The following CNTN5 variants were observed in gnomAD, a reference collection of about 807,000 sequenced individuals.
The protein encoded by CNTN5 is contactin 5.
CNTN5 carries 77 observed loss-of-function variants against 129.1 expected under a neutral mutation model. That is an observed-to-expected ratio of 0.60 (90% CI 0.50 to 0.72). The LOEUF is 0.72. Ranked by LOEUF, CNTN5 falls within the 30% of genes least tolerant of loss-of-function variation. The pLI is 0.00. For missense variants in CNTN5, 1,478 were observed against 1,328.8 expected, an observed-to-expected ratio of 1.11 and a Z score of -1.75; for synonymous variants, 509 against 465.6, an observed-to-expected ratio of 1.09 and a Z score of -1.20.
chr11:99,640,525 C>T (rs75789275), intron 3 of CNTN5, among the ~76,000 whole-genome samples: 1,683 of 152,252 alleles, frequency 0.011, 40 homozygotes, highest in African/African-American at 0.037. Flanking sequence ...CCTTCCTCAA[C>T]GCTTGGGAAT....
intron 9 of CNTN5, among the ~76,000 whole-genome samples, chr11:100,036,914 A>G (rs1005272643): frequency 6.1e-5 from 9 of 148,016 alleles, no homozygotes; most frequent in African/African-American, 2.0e-4. Flanking sequence ...TCGTCTGCAA[A>G]CAGGGACAAT....
chr11:99,524,718 G>C (rs771193378), intron 2 of CNTN5, among the ~76,000 whole-genome samples: 1 of 151,882 alleles, frequency 6.6e-6, no homozygotes, highest in African/African-American at 2.4e-5. Flanking sequence ...AACAAGAATT[G>C]TGTGAACCTG....
At chr11:99,876,388 G>T (rs1948633457) in intron 6 of CNTN5, among the ~76,000 whole-genome samples, 1 of 152,108 alleles carries the variant, frequency 6.6e-6, no homozygotes, top group African/African-American at 2.4e-5. Flanking sequence ...CTTGATCCCA[G>T]GCTCCCCTCA....
intron 3 of CNTN5, among the ~76,000 whole-genome samples, chr11:99,818,486 G>C (rs1048752595): frequency 2.6e-5 from 4 of 152,104 alleles, no homozygotes; most frequent in Non-Finnish European, 4.4e-5. Flanking sequence ...TAAACACCTA[G>C]CTGAAGTCAT....
intron 8 of CNTN5, among the ~76,000 whole-genome samples, chr11:99,965,538 T>A (rs555701616): frequency 6.6e-6 from 1 of 152,316 alleles, no homozygotes; most frequent in African/African-American, 2.4e-5. Flanking sequence ...TTTGTTATAA[T>A]TTCTGTTCTT....
intron 1 of CNTN5, among the ~76,000 whole-genome samples, chr11:99,312,411 T>C (rs1385293560): frequency 1.3e-5 from 2 of 152,184 alleles, no homozygotes; most frequent in African/African-American, 2.4e-5. Flanking sequence ...TAATGCTGAC[T>C]TCTTTATGGG....
At chr11:99,326,311 T>C (rs564614717) in intron 2 of CNTN5, among the ~76,000 whole-genome samples, 34 of 152,326 alleles carry the variant, frequency 2.2e-4, no homozygotes, top group African/African-American at 7.9e-4. Context: ...ATTATCTTTA[T>C]TTTCTGCTTA....
chr11:99,715,901 T>C (rs1955199386), intron 3 of CNTN5, among the ~76,000 whole-genome samples: 1 of 152,014 alleles, frequency 6.6e-6, no homozygotes, highest in Admixed American at 6.6e-5. Context: ...TTGATTTCCA[T>C]ATATTATTTT....
At chr11:99,181,043 T>G (rs1858032363) in intron 1 of CNTN5, among the ~76,000 whole-genome samples, 1 of 152,148 alleles carries the variant, frequency 6.6e-6, no homozygotes, top group East Asian at 1.9e-4. Context: ...GCTCAATATT[T>G]TAATTTGTTG....
chr11:99,464,467 G>A (rs1944856352), intron 2 of CNTN5, among the ~76,000 whole-genome samples: 2 of 152,118 alleles, frequency 1.3e-5, no homozygotes, highest in South Asian at 4.1e-4. Context: ...CTGGCAAATA[G>A]TTTTAAATAT....
intron 3 of CNTN5, among the ~76,000 whole-genome samples, chr11:99,556,567 A>ATATATG (rs1948675138): frequency 8.4e-6 from 1 of 118,982 alleles, no homozygotes; most frequent in Non-Finnish European, 1.6e-5. Flanking sequence ...ATATATATAT[A>ATATATG]TATATATATA....
At chr11:99,698,331 GA>G in intron 3 of CNTN5, among the ~76,000 whole-genome samples, 1 of 151,382 alleles carries the variant, frequency 6.6e-6, no homozygotes, top group South Asian at 2.1e-4. Flanking sequence ...GAGAAGAGAA[GA>G]AAGCTATAAA....
At chr11:100,104,811 A>G (rs924423748) in intron 13 of CNTN5, among the ~76,000 whole-genome samples, 7 of 152,104 alleles carry the variant, frequency 4.6e-5, no homozygotes, top group African/African-American at 1.2e-4. Flanking sequence ...TTACTGTACT[A>G]TTCCCTTTTT....
At chr11:100,294,817 T>C (rs934836454) in intron 18 of CNTN5, among the ~76,000 whole-genome samples, 17 of 151,582 alleles carry the variant, frequency 1.1e-4, no homozygotes, top group African/African-American at 3.9e-4. Context: ...AATATGTTGT[T>C]TTATAAAGGG....
At chr11:99,927,222 C>A (rs956076846) in intron 7 of CNTN5, among the ~76,000 whole-genome samples, 8 of 151,866 alleles carry the variant, frequency 5.3e-5, no homozygotes, top group South Asian at 2.1e-4. Flanking sequence ...TATCTTTATC[C>A]CTGTTTTATA....
At chr11:99,612,116 C>T (rs117831887) in intron 3 of CNTN5, among the ~76,000 whole-genome samples, 5,946 of 152,252 alleles carry the variant, frequency 0.039, 150 homozygotes, top group South Asian at 0.086. Flanking sequence ...AGTCTTTATA[C>T]TAACTCTGTG....
At chr11:99,072,341 A>G (rs192227038) in intron 1 of CNTN5, among the ~76,000 whole-genome samples, 85 of 152,214 alleles carry the variant, frequency 5.6e-4, no homozygotes, top group Non-Finnish European at 1.2e-4. Flanking sequence ...GTAAATTAAT[A>G]AACTAGCATT....
rs528651832 is a variant in CNTN5 at position 99,969,747 on chromosome 11, A to G, written c.877+12738A>G. ...TTGTACCTTTCACTGTCTCTTCTCA[A>G]TCTACCCCCAAATCAGTCATTCCAT... is the stretch of plus-strand genomic sequence containing the variant. On this transcript the variant is annotated intron_variant, in intron 8 of 24. Coordinates refer to ENST00000524871, the MANE Select transcript of CNTN5 (RefSeq NM_014361.4). 3.9e-4 allele frequency among the ~76,000 whole-genome samples: 59 copies of G among 152,130 alleles called. 1 individual carries two copies. The highest frequency in any genetic ancestry group is 1.3e-3 in the Admixed American group (20 of 15,272).
rs558694743 is a variant in CNTN5 at position 99,036,599 on chromosome 11, A to G, written c.-210+15329A>G. ...TTATATGAGTGGATCTTGAAGTAGT[A>G]TTGCTAGGTCATTGAGAAGGTACAC... On this transcript the variant is annotated intron_variant, in intron 1 of 24. Coordinates refer to ENST00000524871, the MANE Select transcript of CNTN5 (RefSeq NM_014361.4). 3.3e-5 allele frequency among the ~76,000 whole-genome samples: 5 copies of G among 152,234 alleles called. No homozygotes were observed. The East Asian group carries it at 9.7e-4, about 29-fold the overall frequency.
Sources: allele counts gnomAD v4.1 joint callset (sites outside exome capture counted in the v4.1 genomes callset), GRCh38; gene constraint gnomAD v4.1.1; transcripts MANE v1.5; gene names NCBI Gene and HGNC (gene_info 2026-07-23, HGNC 2026-07-21).